Variants in GPHN observed in about 807,000 individuals in gnomAD.
GPHN encodes gephyrin.
GPHN carries 17 observed loss-of-function variants against 95.5 expected under a neutral mutation model. The observed-to-expected ratio is 0.18, with a 90% CI of 0.12 to 0.27. The LOEUF is 0.27. Among genes scored for constraint, GPHN ranks in the 10% least tolerant of loss-of-function variants. The probability of loss-of-function intolerance (pLI) is 1.00; values close to 1 mark genes in which losing one functional copy is unlikely to be tolerated. For synonymous variants in GPHN, 320 were observed against 322.5 expected (o/e 0.99, Z 0.08); for missense variants, 660 against 978.1 (o/e 0.67, Z 4.34).
chr14:67,580,220 G>A, the GPHN span: 1 of 214,196 alleles, frequency 4.7e-6, no homozygotes, highest in African/African-American at 2.3e-5. Context: ...TCACAGCTGT[G>A]TGCTTGGACC....
chr14:66,585,958 C>G (rs966024394), intron 1 of GPHN, among the ~76,000 whole-genome samples: 5 of 152,100 alleles, frequency 3.3e-5, no homozygotes, highest in African/African-American at 1.2e-4. Flanking sequence ...AACTTTCTGT[C>G]TCGTTGATCT....
At chr14:67,226,998 A>G in the GPHN span, among the ~76,000 whole-genome samples, 2 of 152,236 alleles carry the variant, frequency 1.3e-5, no homozygotes, top group African/African-American at 2.4e-5. Context: ...TTCTTTCAAG[A>G]TAACTCAATA....
intron 9 of GPHN, among the ~76,000 whole-genome samples, chr14:67,002,972 G>A (rs1459843108): frequency 2.0e-5 from 3 of 151,560 alleles, no homozygotes. Context: ...ATCAGCACTT[G>A]TACCATTCCT....
At chr14:67,674,477 C>G in the GPHN span, 15 of 1,605,044 alleles carry the variant, frequency 9.3e-6, no homozygotes, top group Admixed American at 2.5e-4. Flanking sequence ...GAGGAGGCGG[C>G]GGAGGAGGCC....
chr14:67,650,907 G>A, the GPHN span: 55 of 1,613,898 alleles, frequency 3.4e-5, no homozygotes, highest in Admixed American at 8.3e-5. Context: ...AATCAAGCAC[G>A]TGTGAGAATT....
At chr14:66,639,270 A>T (rs551427831) in intron 1 of GPHN, among the ~76,000 whole-genome samples, 15 of 152,232 alleles carry the variant, frequency 9.9e-5, no homozygotes, top group African/African-American at 3.6e-4. Context: ...TTTTCTCTTC[A>T]TCAAAACTAT....
chr14:67,704,101 G>T, the GPHN span, among the ~76,000 whole-genome samples: 3 of 152,126 alleles, frequency 2.0e-5, no homozygotes, highest in Non-Finnish European at 2.9e-5. Context: ...TGTTTTGTTT[G>T]TTCCCCTTGT....
chr14:66,699,982 A>G (rs778566645), intron 2 of GPHN, among the ~76,000 whole-genome samples: 1 of 152,148 alleles, frequency 6.6e-6, no homozygotes, highest in South Asian at 2.1e-4. Flanking sequence ...ATTTTTTTAA[A>G]CTAATCTTAA....
At chr14:67,438,899 T>A in the GPHN span, among the ~76,000 whole-genome samples, 159 of 151,232 alleles carry the variant, frequency 1.1e-3, 1 homozygote, top group Non-Finnish European at 1.3e-3. Flanking sequence ...TTATGAAGTT[T>A]TGGATTCTCA....
At chr14:67,731,207 C>CTT in the GPHN span, among the ~76,000 whole-genome samples, 104 of 90,520 alleles carry the variant, frequency 1.1e-3, no homozygotes, top group African/African-American at 2.3e-3. Context: ...TTCTTTCTTT[C>CTT]TTTTTTTTTT....
chr14:67,348,839 G>T, the GPHN span: 1 of 555,132 alleles, frequency 1.8e-6, no homozygotes, highest in Non-Finnish European at 3.1e-6. Context: ...CTTCTTAAGT[G>T]TTCACTTCTA....
chr14:67,194,209 C>T, the GPHN span, among the ~76,000 whole-genome samples: 4 of 151,132 alleles, frequency 2.6e-5, no homozygotes. Flanking sequence ...CAAAAAAATA[C>T]ATAAATTAGC....
At chr14:66,519,449 A>G (rs2058383582) in intron 1 of GPHN, among the ~76,000 whole-genome samples, 1 of 152,080 alleles carries the variant, frequency 6.6e-6, no homozygotes, top group South Asian at 2.1e-4. Context: ...TTAGTCCCCT[A>G]CTGTATTTTA....
the GPHN span, among the ~76,000 whole-genome samples, chr14:67,605,996 A>G: frequency 2.7e-4 from 41 of 152,166 alleles, 1 homozygote; most frequent in South Asian, 8.5e-3. Flanking sequence ...TTATTAGTAT[A>G]TATTTTGTAT....
chr14:66,807,125 G>A (rs1473483345), intron 3 of GPHN, among the ~76,000 whole-genome samples: 4 of 152,166 alleles, frequency 2.6e-5, no homozygotes, highest in Non-Finnish European at 5.9e-5. Flanking sequence ...CACATCTTAC[G>A]TAGATGGCAG....
At chr14:67,208,765 C>T in the GPHN span, among the ~76,000 whole-genome samples, 4 of 152,016 alleles carry the variant, frequency 2.6e-5, no homozygotes, top group East Asian at 1.9e-4. Context: ...GGCGCGGTGG[C>T]GGGCACCTGT....
At chr14:67,398,234 GTTC>G in the GPHN span, among the ~76,000 whole-genome samples, 1 of 150,300 alleles carries the variant, frequency 6.7e-6, no homozygotes, top group East Asian at 1.9e-4. Context: ...TTTTGTTTTT[GTTC>G]TTGTTTTATA....
chr14:66,856,957 T>A (rs2062829724), intron 4 of GPHN, among the ~76,000 whole-genome samples: 1 of 152,122 alleles, frequency 6.6e-6, no homozygotes, highest in Non-Finnish European at 1.5e-5. Flanking sequence ...AGAAAAATTT[T>A]AAACATGGTA....
chr14:67,480,703 G>A, the GPHN span, among the ~76,000 whole-genome samples: 1 of 152,160 alleles, frequency 6.6e-6, no homozygotes, highest in East Asian at 1.9e-4. Flanking sequence ...CCGGGCTGAG[G>A]GAACAGGAAC....
Sources: allele counts gnomAD v4.1 joint callset (sites outside exome capture counted in the v4.1 genomes callset), GRCh38; gene constraint gnomAD v4.1.1; transcripts MANE v1.5; gene names NCBI Gene and HGNC (gene_info 2026-07-23, HGNC 2026-07-21).